FNIP1: variants seen among roughly 807,000 people sequenced by gnomAD.
FNIP1 encodes folliculin interacting protein 1.
Under a neutral mutation model 124.5 loss-of-function variants are expected in FNIP1, and 40 were observed. The ratio of observed to expected loss-of-function variants is 0.32; its 90% CI spans 0.25 to 0.42. FNIP1 has a LOEUF of 0.42. Ranked by LOEUF, FNIP1 falls within the 10% of genes least tolerant of loss-of-function variation. The probability of loss-of-function intolerance (pLI) is 1.00; values close to 1 mark genes in which losing one functional copy is unlikely to be tolerated. For missense variants in FNIP1, 1,176 were observed against 1,403.7 expected (o/e 0.84, Z 2.59); for synonymous variants, 472 against 470.6 (o/e 1.00, Z -0.04).
intron 11 of FNIP1, among the ~76,000 whole-genome samples, chr5:131,692,001 G>GTTA (rs1441892841): frequency 1.3e-5 from 2 of 152,004 alleles, no homozygotes; most frequent in African/African-American, 4.8e-5. Flanking sequence ...CATACTGGAA[G>GTTA]TTATAGCTAG....
In FNIP1 at chr5:131,661,768, C is replaced by T. The variant is rs143272516; in HGVS notation, c.3108+8695G>A. The stretch of plus-strand genomic sequence containing the variant: ...AAAGGGAAATCAGAAACCTGCCGTG[C>T]CAACAAAAGGTAAGAATTTCTTACC... On this transcript the variant is annotated intron_variant, in intron 15 of 17. Transcript: ENST00000510461. Among the ~76,000 whole-genome samples the T allele has an allele frequency of 6.0e-4, 92 of 152,188 alleles. 2 individuals are homozygous for T. The East Asian group carries it at 0.016, about 27-fold the overall frequency.
chr5:131,709,118 T>C (rs1769208516), intron 8 of FNIP1, 83 bp downstream of exon 8: 9 of 1,100,678 alleles, frequency 8.2e-6, no homozygotes, highest in African/African-American at 1.5e-5. Context: ...ATGAACAAAT[T>C]TGATAATAAA....
chr5:131,673,052 T>G (rs12513562), intron 13 of FNIP1, 128 bp from the exon 14 acceptor site: 5 of 251,936 alleles, frequency 2.0e-5, no homozygotes, highest in South Asian at 2.4e-4. Context: ...CGTTTTTTTG[T>G]TTTTTTTTTT....
intron 3 of FNIP1, among the ~76,000 whole-genome samples, chr5:131,723,457 C>T (rs1161972831): frequency 6.6e-6 from 1 of 152,084 alleles, no homozygotes; most frequent in African/African-American, 2.4e-5. Context: ...TAGTTTACTA[C>T]TAAGGTTCTC....
intron 6 of FNIP1, among the ~76,000 whole-genome samples, chr5:131,713,046 G>A (rs1769350276): frequency 6.6e-6 from 1 of 151,744 alleles, no homozygotes; most frequent in Non-Finnish European, 1.5e-5. Context: ...TAGTCTGTGT[G>A]CCTCTCTTCT....
At chr5:131,676,900 C>A (rs150559058) in intron 13 of FNIP1, among the ~76,000 whole-genome samples, 2 of 152,050 alleles carry the variant, frequency 1.3e-5, no homozygotes, top group Non-Finnish European at 2.9e-5. Context: ...ATATGACAAT[C>A]CACCTGGCAA....
At chr5:131,745,053 T>C (rs921353456) in intron 1 of FNIP1, among the ~76,000 whole-genome samples, 11 of 151,972 alleles carry the variant, frequency 7.2e-5, no homozygotes, top group African/African-American at 2.2e-4. Context: ...GGTTAACCCA[T>C]ATTTTTAAGT....
chr5:131,785,427 C>T (rs574258337), intron 1 of FNIP1, among the ~76,000 whole-genome samples: 5 of 151,742 alleles, frequency 3.3e-5, no homozygotes, highest in African/African-American at 1.2e-4. Flanking sequence ...TGATGGCAGG[C>T]GCCTGTAATC....
At chr5:131,772,153 G>A (rs928205853) in intron 1 of FNIP1, among the ~76,000 whole-genome samples, 50 of 152,106 alleles carry the variant, frequency 3.3e-4, no homozygotes, top group South Asian at 6.2e-4. Flanking sequence ...TGATACAAAA[G>A]GCTACACAAT....
intron 6 of FNIP1, among the ~76,000 whole-genome samples, chr5:131,715,494 A>G (rs1362549085): frequency 1.3e-5 from 2 of 152,292 alleles, no homozygotes; most frequent in African/African-American, 4.8e-5. Flanking sequence ...TCAAAAAACA[A>G]AAACAAACAA....
chr5:131,748,366 T>C (rs186769069), intron 1 of FNIP1, among the ~76,000 whole-genome samples: 2 of 152,250 alleles, frequency 1.3e-5, no homozygotes, highest in East Asian at 3.9e-4. Flanking sequence ...GTATTACGGA[T>C]ACAATTATGT....
intron 1 of FNIP1, among the ~76,000 whole-genome samples, chr5:131,762,736 C>T (rs1338727726): frequency 6.6e-6 from 1 of 152,144 alleles, no homozygotes; most frequent in African/African-American, 2.4e-5. Flanking sequence ...ACAGCAATCC[C>T]ACTGCTAAGC....
At chr5:131,773,843 G>C (rs919943142) in intron 1 of FNIP1, among the ~76,000 whole-genome samples, 1 of 152,094 alleles carries the variant, frequency 6.6e-6, no homozygotes, top group African/African-American at 2.4e-5. Context: ...CAGGTTGCTA[G>C]AGGGGTATGT....
At chr5:131,680,429 A>C (rs548128974) in intron 11 of FNIP1, among the ~76,000 whole-genome samples, 1 of 152,356 alleles carries the variant, frequency 6.6e-6, no homozygotes, top group South Asian at 2.1e-4. Flanking sequence ...AAATAAACAA[A>C]AAGTTATTTT....
chr5:131,759,336 A>G (rs1273288385), intron 1 of FNIP1, among the ~76,000 whole-genome samples: 3 of 152,168 alleles, frequency 2.0e-5, no homozygotes, highest in African/African-American at 7.2e-5. Flanking sequence ...GGGAGAACAT[A>G]TTCACAAACT....
At chr5:131,726,595 A>T (rs1466169974) in intron 3 of FNIP1, among the ~76,000 whole-genome samples, 1 of 151,980 alleles carries the variant, frequency 6.6e-6, no homozygotes, top group Non-Finnish European at 1.5e-5. Context: ...CTATTTTGTT[A>T]ATCTTTTCAA....
At chr5:131,725,513 A>G (rs1285077927) in intron 3 of FNIP1, among the ~76,000 whole-genome samples, 1 of 152,180 alleles carries the variant, frequency 6.6e-6, no homozygotes, top group East Asian at 1.9e-4. Context: ...TTACTGGTGT[A>G]TAGGAATGCT....
At chr5:131,694,844 C>T (rs1768635003) in intron 11 of FNIP1, among the ~76,000 whole-genome samples, 1 of 152,076 alleles carries the variant, frequency 6.6e-6, no homozygotes, top group Non-Finnish European at 1.5e-5. Flanking sequence ...GTGGCTCACA[C>T]CTGTAATCCC....
intron 11 of FNIP1, among the ~76,000 whole-genome samples, chr5:131,682,954 TA>T (rs147827857): frequency 0.053 from 8,002 of 152,196 alleles, 362 homozygotes; most frequent in African/African-American, 0.12. Context: ...AGGGTCTATA[TA>T]AAAATCTAAA....
Sources: allele counts gnomAD v4.1 joint callset (sites outside exome capture counted in the v4.1 genomes callset), GRCh38; gene constraint gnomAD v4.1.1; transcripts MANE v1.5; gene names NCBI Gene and HGNC (gene_info 2026-07-23, HGNC 2026-07-21).